The following MYO18B variants were observed in gnomAD, a reference collection of about 807,000 sequenced individuals.
The protein encoded by MYO18B is myosin XVIIIB, also known as unconventional myosin-XVIIIb.
In MYO18B, 204 loss-of-function variants were observed where a neutral mutation model predicts 273.0. The ratio of observed to expected loss-of-function variants is 0.75; its 90% confidence interval spans 0.67 to 0.84. The LOEUF is 0.84. MYO18B is among the 40% of genes least tolerant of loss of function. MYO18B has a pLI of 0.00. For missense variants in MYO18B, 3,212 were observed against 3,287.6 expected, an observed-to-expected ratio of 0.98 and a Z score of 0.56; for synonymous variants, 1,330 against 1,305.7, an observed-to-expected ratio of 1.02 and a Z score of -0.40.
chr22:25,802,956 TTTTTTCTTTC>T (rs1445647856), intron 12 of MYO18B, among the ~76,000 whole-genome samples: 2 of 145,822 alleles, frequency 1.4e-5, no homozygotes, highest in African/African-American at 5.1e-5. Context: ...GGCTGCTTTC[TTTTTTCTTTC>T]TTTTTTTTTT....
Position 25,891,307 on chromosome 22 carries a change from A to T in MYO18B, c.4438A>T (p.Lys1480Ter), listed in dbSNP as rs1346920111. ...AFREVQELKS[K>*]HEQVQKKLGD... is the part of the protein sequence containing the mutation. ...GACCTTGAGCCCTTTCTTCTAGAGCAAGCATGAACAAGTCCAGAAAAAACT... is the reference window on the plus strand; with the variant it reads ...GACCTTGAGCCCTTTCTTCTAGAGCTAGCATGAACAAGTCCAGAAAAAACT... The change falls in exon 27 of 44, where the codon AAG (lysine) becomes TAG (stop). Residue 1480 changes from lysine (K) to a stop codon, truncating the protein, a stop_gained. Transcript: ENST00000335473. LOFTEE classifies it high-confidence loss of function. 1.2e-5 allele frequency: 18 copies of T among 1,565,222 alleles called. No homozygotes were observed. Among genetic ancestry groups the T allele is most frequent in the Non-Finnish European group, 1.5e-5 (17 of 1,153,754 alleles).
intron 29 of MYO18B, among the ~76,000 whole-genome samples, chr22:25,902,237 A>T (rs1448620594): frequency 6.6e-6 from 1 of 152,098 alleles, no homozygotes; most frequent in Admixed American, 6.6e-5. Context: ...TAGCATTTAG[A>T]TTAGCATTTT....
At chr22:25,853,046 AG>A (rs1291531803) in intron 21 of MYO18B, among the ~76,000 whole-genome samples, 1 of 152,238 alleles carries the variant, frequency 6.6e-6, no homozygotes, top group Non-Finnish European at 1.5e-5. Context: ...GAGTGTTCTG[AG>A]GATGACATGT....
downstream of MYO18B, among the ~76,000 whole-genome samples, chr22:26,032,098 G>C (rs1484886157): frequency 6.6e-6 from 1 of 152,224 alleles, no homozygotes; most frequent in Non-Finnish European, 1.5e-5. Context: ...AATCCATCAA[G>C]TCATGGAGTC....
intron 3 of MYO18B, among the ~76,000 whole-genome samples, chr22:25,767,621 C>G (rs1318013214): frequency 9.9e-5 from 15 of 152,136 alleles, no homozygotes; most frequent in Admixed American, 9.8e-4. Flanking sequence ...GTGACAGGCC[C>G]TGAGTCCTTT....
chr22:26,057,832 C>T, the MYO18B span, among the ~76,000 whole-genome samples: 1 of 152,118 alleles, frequency 6.6e-6, no homozygotes, highest in African/African-American at 2.4e-5. Context: ...AATTCTGGGT[C>T]CTGAGCTCTT....
At chr22:26,000,488 G>A (rs371209984) in intron 40 of MYO18B, among the ~76,000 whole-genome samples, 4 of 151,200 alleles carry the variant, frequency 2.6e-5, no homozygotes, top group African/African-American at 9.8e-5. Context: ...TGTGACTTAC[G>A]TGCAGTCTAT....
In MYO18B at chr22:25,847,078, C is replaced by CAAA. The variant is rs35672001; in HGVS notation, c.3553-341_3553-339dup. Among the ~76,000 whole-genome samples, 115 of 139,308 alleles carry CAAA rather than the reference C, an allele frequency of 8.3e-4. 1 individual carries two copies. Among genetic ancestry groups the CAAA allele is most frequent in the Middle Eastern group, 7.5e-3 (2 of 266 alleles). The allele number at this position is 139,308 out of a possible 152,430, so 91.4% of individuals were successfully genotyped here. A position where few individuals can be genotyped will look rare whatever the true frequency, so the allele number is the denominator to read the frequency against. On this transcript the variant is annotated intron_variant, in intron 19 of 43. Coordinates refer to ENST00000335473, the MANE Select transcript of MYO18B (RefSeq NM_032608.7). ...CTGGCAACGGAGTGAGACTCTGTCT[C>CAAA]AAAAAAAAAAAAATAAAGAAAGAAA... is the stretch of plus-strand genomic sequence containing the variant.
intron 11 of MYO18B, among the ~76,000 whole-genome samples, chr22:25,788,992 C>T (rs1295220544): frequency 6.6e-6 from 1 of 152,212 alleles, no homozygotes; most frequent in African/African-American, 2.4e-5. Flanking sequence ...AGTACTTCGG[C>T]AGTGCCTGAC....
At chr22:25,863,967 A>G (rs755132710) in intron 21 of MYO18B, among the ~76,000 whole-genome samples, 4 of 152,198 alleles carry the variant, frequency 2.6e-5, no homozygotes, top group African/African-American at 4.8e-5. Context: ...GCTTGCCTCA[A>G]TCAGGACAAC....
chr22:25,995,008 G>T (rs1035589899), intron 40 of MYO18B, among the ~76,000 whole-genome samples: 7 of 152,162 alleles, frequency 4.6e-5, no homozygotes, highest in Non-Finnish European at 8.8e-5. Flanking sequence ...GTGACAGGCT[G>T]GAAGAAGGTG....
the MYO18B span, among the ~76,000 whole-genome samples, chr22:26,063,352 G>C: frequency 6.6e-6 from 1 of 152,194 alleles, no homozygotes; most frequent in Non-Finnish European, 1.5e-5. Context: ...TACCTCGTAT[G>C]CTGAACGCCC....
intron 4 of MYO18B, 78 bp from the exon 5 acceptor site, chr22:25,770,032 G>C (rs781644856): frequency 6.8e-7 from 1 of 1,460,656 alleles, no homozygotes; most frequent in Non-Finnish European, 9.6e-7. Flanking sequence ...AGAGCACACT[G>C]TGAGAAACCC....
intron 20 of MYO18B, among the ~76,000 whole-genome samples, chr22:25,847,966 C>T (rs925422842): frequency 6.6e-6 from 1 of 151,308 alleles, no homozygotes; most frequent in African/African-American, 2.4e-5. Context: ...CACACACACA[C>T]ACACACACAA....
rs2092714704 is a variant in MYO18B, at chr22:25,946,521, T to C, written c.5631+271T>C. On this transcript the variant is annotated intron_variant, in intron 35 of 43. Coordinates refer to ENST00000335473, the MANE Select transcript of MYO18B (RefSeq NM_032608.7). ...CTGTCAGCTGAGCATTATAAAGATA[T>C]AAGGGCATCAGCGAGGCTCAACTGT... Among the ~76,000 whole-genome samples, 3 of 152,154 alleles carry C rather than the reference T, an allele frequency of 2.0e-5. No homozygotes were observed. In the South Asian group the frequency reaches 6.2e-4, roughly 32 times the overall value.
intron 11 of MYO18B, 123 bp downstream of exon 11, chr22:25,785,614 C>T: frequency 2.9e-6 from 3 of 1,027,862 alleles, no homozygotes; most frequent in South Asian, 2.9e-5. Flanking sequence ...AAGGGTTGGT[C>T]ATGTGGAAGA....
intron 4 of MYO18B, 118 bp downstream of exon 4, chr22:25,769,546 T>G: frequency 3.1e-6 from 3 of 954,612 alleles, no homozygotes; most frequent in South Asian, 1.8e-5. Context: ...GGGCAGGGAA[T>G]TGGAGAGGGG....
chr22:25,828,841 A>G lies in MYO18B; in HGVS notation c.2852A>G (p.Asn951Ser), dbSNP rs989529670. ...GTGGTGGACTCTCCAGGCTTCCAGAACCCCCGGCACCAGGGCAAGGACCGG... is the reference window on the plus strand; with the variant it reads ...GTGGTGGACTCTCCAGGCTTCCAGAGCCCCCGGCACCAGGGCAAGGACCGG... Reference protein sequence around the residue: ...IMVVDSPGFQNPRHQGKDRAA... With the variant: ...IMVVDSPGFQSPRHQGKDRAA... Residue 951 changes from asparagine to serine, a missense_variant, in exon 15 of 44, where the codon AAC becomes AGC. Asn to Ser is a conservative substitution (Grantham distance 46, BLOSUM62 1). Coordinates refer to ENST00000335473, the MANE Select transcript of MYO18B (RefSeq NM_032608.7). 6.2e-7 allele frequency: 1 copy of G among 1,613,464 alleles called. No homozygotes were observed. Among genetic ancestry groups the G allele is most frequent in the Non-Finnish European group, 8.5e-7 (1 of 1,179,830 alleles).
chr22:26,042,310 T>G, the MYO18B span, among the ~76,000 whole-genome samples: 5 of 152,328 alleles, frequency 3.3e-5, no homozygotes, highest in East Asian at 5.8e-4. Flanking sequence ...ACTATGCCTG[T>G]GAAAGTGCTC....
Sources: allele counts gnomAD v4.1 joint callset (sites outside exome capture counted in the v4.1 genomes callset), GRCh38; gene constraint gnomAD v4.1.1; transcripts MANE v1.5; gene names NCBI Gene and HGNC (gene_info 2026-07-23, HGNC 2026-07-21).